ALPK2: variants seen among roughly 807,000 people sequenced by gnomAD.
The protein encoded by ALPK2 is alpha kinase 2, also known as alpha-protein kinase 2.
A neutral mutation model predicts 163.1 loss-of-function variants in ALPK2; 127 were observed. The observed-to-expected ratio is 0.78, with a 90% CI of 0.67 to 0.90. The LOEUF is 0.90. Ranked by LOEUF, ALPK2 falls within the 40% of genes least tolerant of loss-of-function variation. ALPK2 has a pLI of 0.00. For synonymous variants in ALPK2, 953 were observed against 959.1 expected (o/e 0.99, Z 0.12); for missense variants, 2,360 against 2,589.6 (o/e 0.91, Z 1.92).
chr18:58,532,485 C>T (rs748203318), intron 5 of ALPK2, among the ~76,000 whole-genome samples: 10 of 152,284 alleles, frequency 6.6e-5, no homozygotes, highest in Non-Finnish European at 1.2e-4. Flanking sequence ...CCTCCTGCTC[C>T]GTCACCAGAT....
At chr18:58,534,042 G>A (rs186412194) in intron 5 of ALPK2, among the ~76,000 whole-genome samples, 4 of 152,322 alleles carry the variant, frequency 2.6e-5, no homozygotes, top group African/African-American at 7.2e-5. Flanking sequence ...GGTGTGTGGG[G>A]AGAGAAAGAA....
rs529804018 is a variant in ALPK2, at chr18:58,487,485, C to G, written c.6297-5446G>C. ...AATCAATTTCTATCACTGTGAGGCT[C>G]TTGGTTTGTGGTCATTTGTTATGGC... On this transcript the variant is annotated intron_variant, in intron 12 of 12. Coordinates refer to ENST00000361673, the MANE Select transcript of ALPK2 (RefSeq NM_052947.4). Among the ~76,000 whole-genome samples, 115 of 152,222 alleles carry G rather than the reference C, an allele frequency of 7.6e-4. 1 individual carries two copies. The highest frequency in any genetic ancestry group is 3.4e-3 in the Middle Eastern group (1 of 294).
intron 1 of ALPK2, among the ~76,000 whole-genome samples, chr18:58,613,735 T>C (rs1184477736): frequency 1.4e-5 from 2 of 146,856 alleles, no homozygotes; most frequent in East Asian, 3.9e-4. Context: ...ATAATAATAA[T>C]AATAATAATA....
In ALPK2 at chr18:58,535,852, C is replaced by T. The variant is rs763265144; in HGVS notation, c.4335G>A (p.Ala1445=). 25 of 1,614,182 alleles carry T rather than the reference C, an allele frequency of 1.5e-5. No individual in the cohort carries two copies. Among genetic ancestry groups the T allele is most frequent in the East Asian group, 6.7e-5 (3 of 44,878 alleles). The stretch of plus-strand genomic sequence containing the variant: ...CTTGCAAAATGGCCGGCTGGATTTC[C>T]GCTTCGTGGCCCATGTTTCCGTCAT... ...QSNDGNMGHE[A]EIQPAILQVP... The change falls in exon 5 of 13, where the codon GCG becomes GCA. Residue 1445 remains alanine (A), a synonymous_variant. Coordinates refer to ENST00000361673, the MANE Select transcript of ALPK2 (RefSeq NM_052947.4).
intron 8 of ALPK2, among the ~76,000 whole-genome samples, chr18:58,522,233 G>T (rs1459951998): frequency 6.6e-6 from 1 of 152,208 alleles, no homozygotes; most frequent in African/African-American, 2.4e-5. Flanking sequence ...CTGATGACGG[G>T]CGGCTCTTCC....
chr18:58,495,435 G>A (rs967039962), intron 12 of ALPK2, among the ~76,000 whole-genome samples: 8 of 152,086 alleles, frequency 5.3e-5, no homozygotes, highest in Admixed American at 1.3e-4. Flanking sequence ...GGCTCCAGCC[G>A]TCAGTGCTTC....
At chr18:58,571,771 T>G (rs1602223592) in intron 4 of ALPK2, among the ~76,000 whole-genome samples, 1 of 151,340 alleles carries the variant, frequency 6.6e-6, no homozygotes, top group Admixed American at 6.6e-5. Flanking sequence ...AGGTCAGGAG[T>G]TCGAGACCAG....
chr18:58,607,315 C>A lies in ALPK2; in HGVS notation c.227+7G>T. On this transcript the variant is annotated splice_region_variant and intron_variant, in intron 3 of 12. Coordinates refer to ENST00000361673, the MANE Select transcript of ALPK2 (RefSeq NM_052947.4). ...AGTAAACAGTCCACAGGGGTATAGC[C>A]ACTTACCAAGAGAGATGTAACACAT... is the stretch of plus-strand genomic sequence containing the variant. The A allele has an allele frequency of 6.3e-7, 1 of 1,586,384 alleles. No homozygotes were observed. The highest frequency in any genetic ancestry group is 8.6e-7 in the Non-Finnish European group (1 of 1,157,428).
In ALPK2 at chr18:58,535,845, G is replaced by C. The variant is rs765677626; in HGVS notation, c.4342C>G (p.Gln1448Glu). The change falls in exon 5 of 13, where the codon CAG becomes GAG. Residue 1448 changes from glutamine (Q) to glutamate (E), a missense_variant. By Grantham distance (29) the Gln-to-Glu change is conservative (BLOSUM62 2). Coordinates refer to ENST00000361673, the MANE Select transcript of ALPK2 (RefSeq NM_052947.4). ...CATGGAACTTGCAAAATGGCCGGCT[G>C]GATTTCCGCTTCGTGGCCCATGTTT... ...DGNMGHEAEI[Q>E]PAILQVPCLQ... The C allele has an allele frequency of 6.2e-7, 1 of 1,614,176 alleles. No individual in the cohort carries two copies. The highest frequency in any genetic ancestry group is 1.7e-5 in the Admixed American group (1 of 60,014).
chr18:58,500,324 C>T (rs903348676), intron 11 of ALPK2, among the ~76,000 whole-genome samples: 1 of 151,648 alleles, frequency 6.6e-6, no homozygotes, highest in Non-Finnish European at 1.5e-5. Context: ...AATTACAGCT[C>T]TAAGCCGTAT....
At chr18:58,605,988 A>G (rs2052096045) in intron 3 of ALPK2, among the ~76,000 whole-genome samples, 2 of 152,254 alleles carry the variant, frequency 1.3e-5, no homozygotes, top group Non-Finnish European at 1.5e-5. Context: ...TAGATGAGTA[A>G]TGGGTATCTC....
Position 58,610,971 on chromosome 18 carries a change from G to A in ALPK2, c.109+718C>T, listed in dbSNP as rs182458720. Among the ~76,000 whole-genome samples, 939 of 151,558 alleles carry A rather than the reference G, an allele frequency of 6.2e-3. 34 individuals carry two copies. Among genetic ancestry groups the A allele is most frequent in the Admixed American group, 0.053 (814 of 15,232 alleles). ...TAGCCGGGTGTAGTGGCGGGTGCCTGTAATCTCAGCTACTTGGGAGGCTGA... is the reference window on the plus strand; with the variant it reads ...TAGCCGGGTGTAGTGGCGGGTGCCTATAATCTCAGCTACTTGGGAGGCTGA... On this transcript the variant is annotated intron_variant, in intron 2 of 12. Transcript: ENST00000361673.
At chr18:58,547,239 C>T (rs1476491100) in intron 4 of ALPK2, among the ~76,000 whole-genome samples, 1 of 152,158 alleles carries the variant, frequency 6.6e-6, no homozygotes, top group African/African-American at 2.4e-5. Flanking sequence ...TCCGTGGACT[C>T]CTATGGCTTC....
chr18:58,555,430 A>G (rs1195451944), intron 4 of ALPK2, among the ~76,000 whole-genome samples: 2 of 152,192 alleles, frequency 1.3e-5, no homozygotes, highest in Non-Finnish European at 2.9e-5. Flanking sequence ...TTCTTTGTCA[A>G]TGTATAATAT....
chr18:58,598,185 C>A (rs1343081556), intron 3 of ALPK2, among the ~76,000 whole-genome samples: 1 of 152,238 alleles, frequency 6.6e-6, no homozygotes, highest in Non-Finnish European at 1.5e-5. Context: ...TCACCTGAGG[C>A]CCAGGTGTGG....
intron 3 of ALPK2, among the ~76,000 whole-genome samples, chr18:58,605,632 C>A (rs2052094135): frequency 6.6e-6 from 1 of 152,196 alleles, no homozygotes; most frequent in African/African-American, 2.4e-5. Context: ...TGAGGCTAGA[C>A]AAACCCATGG....
intron 11 of ALPK2, among the ~76,000 whole-genome samples, chr18:58,498,678 C>T (rs2051414109): frequency 6.6e-6 from 1 of 152,118 alleles, no homozygotes; most frequent in Non-Finnish European, 1.5e-5. Flanking sequence ...GGGCAGTTTC[C>T]CCCATACTGT....
chr18:58,615,406 A>G (rs1350901540), intron 1 of ALPK2, among the ~76,000 whole-genome samples: 1 of 152,196 alleles, frequency 6.6e-6, no homozygotes, highest in Non-Finnish European at 1.5e-5. Context: ...GCCACCTGCC[A>G]GGAACAAATC....
At chr18:58,527,650 T>C (rs2051591279) in intron 6 of ALPK2, among the ~76,000 whole-genome samples, 1 of 152,238 alleles carries the variant, frequency 6.6e-6, no homozygotes, top group Admixed American at 6.5e-5. Context: ...GAAAATAATT[T>C]AAAATGAATA....
Sources: allele counts gnomAD v4.1 joint callset (sites outside exome capture counted in the v4.1 genomes callset), GRCh38; gene constraint gnomAD v4.1.1; transcripts MANE v1.5; gene names NCBI Gene and HGNC (gene_info 2026-07-23, HGNC 2026-07-21).